Variants in OSBPL10 observed in about 807,000 individuals in gnomAD.
The protein encoded by OSBPL10 is oxysterol-binding protein-related protein 10.
In OSBPL10, 49 loss-of-function variants were observed where a neutral mutation model predicts 81.7. The ratio of observed to expected loss-of-function variants is 0.60; its 90% CI spans 0.48 to 0.76. The LOEUF (loss-of-function observed/expected upper bound fraction) is 0.76, where lower values mean the gene tolerates loss of function less well. Ranked by LOEUF, OSBPL10 falls within the 30% of genes least tolerant of loss-of-function variation. The pLI is 0.00. For synonymous variants in OSBPL10, 419 were observed against 383.6 expected, an observed-to-expected ratio of 1.09 and a Z score of -1.08; for missense variants, 923 against 987.8, an observed-to-expected ratio of 0.93 and a Z score of 0.88.
At chr3:31,717,404 AC>A (rs1220293609) in intron 6 of OSBPL10, among the ~76,000 whole-genome samples, 2 of 152,206 alleles carry the variant, frequency 1.3e-5, no homozygotes, top group Non-Finnish European at 2.9e-5. Flanking sequence ...TTTCTTAAAG[AC>A]AACTCTGGTA....
At position 31,857,302 on chromosome 3, in the gene OSBPL10, A is replaced by G. The variant is rs564288468; in HGVS notation, c.537+19131T>C. 6.8e-4 allele frequency among the ~76,000 whole-genome samples: 104 copies of G among 152,318 alleles called. 1 individual carries two copies. The Middle Eastern group carries it at 0.01, about 15-fold the overall frequency. On this transcript the variant is annotated intron_variant, in intron 3 of 11. Coordinates refer to ENST00000396556, the MANE Select transcript of OSBPL10 (RefSeq NM_017784.5). ...GTAGCAGCTCCCCTCAAAGAGCATT[A>G]AACTTTAAACACTTCAAATTATTTC...
chr3:31,696,349 G>A (rs551540099), intron 7 of OSBPL10, among the ~76,000 whole-genome samples: 2 of 152,256 alleles, frequency 1.3e-5, no homozygotes, highest in African/African-American at 4.8e-5. Context: ...CTTAATTTCA[G>A]ATACTCCTAC....
intron 4 of OSBPL10, among the ~76,000 whole-genome samples, 156 bp downstream of exon 4, chr3:31,829,884 A>T (rs540234861): frequency 1.3e-5 from 2 of 152,242 alleles, no homozygotes; most frequent in South Asian, 4.2e-4. Context: ...CTTTTTTTAA[A>T]CCAGGAAGGA....
At chr3:31,785,795 C>T (rs1021728395) in intron 4 of OSBPL10, among the ~76,000 whole-genome samples, 1 of 152,048 alleles carries the variant, frequency 6.6e-6, no homozygotes, top group Admixed American at 6.6e-5. Flanking sequence ...GACAATAATC[C>T]CAAACTAAAG....
chr3:31,712,265 A>G (rs1408054700), intron 6 of OSBPL10, among the ~76,000 whole-genome samples: 1 of 152,210 alleles, frequency 6.6e-6, no homozygotes, highest in Non-Finnish European at 1.5e-5. Context: ...TTGTGCACCC[A>G]GTGGCCTATT....
At chr3:31,698,103 C>T (rs1389448860) in intron 7 of OSBPL10, among the ~76,000 whole-genome samples, 1 of 152,020 alleles carries the variant, frequency 6.6e-6, no homozygotes, top group Non-Finnish European at 1.5e-5. Context: ...CTGTTCACAC[C>T]CTAGTCACCC....
chr3:31,802,764 C>A (rs536697568), intron 4 of OSBPL10, among the ~76,000 whole-genome samples: 1 of 152,092 alleles, frequency 6.6e-6, no homozygotes, highest in African/African-American at 2.4e-5. Context: ...AAAGTGAAAT[C>A]CATTAAAAAC....
intron 3 of OSBPL10, among the ~76,000 whole-genome samples, chr3:31,833,486 G>A (rs1052861726): frequency 6.6e-6 from 1 of 152,096 alleles, no homozygotes; most frequent in African/African-American, 2.4e-5. Context: ...CATGGACAAA[G>A]TTTGTTTCTT....
chr3:31,757,997 A>G (rs1341508752), intron 4 of OSBPL10, among the ~76,000 whole-genome samples: 1 of 152,210 alleles, frequency 6.6e-6, no homozygotes, highest in Non-Finnish European at 1.5e-5. Flanking sequence ...CATTCTCTGA[A>G]CCAGGAAGAT....
chr3:31,818,691 C>T (rs767253513), intron 4 of OSBPL10, among the ~76,000 whole-genome samples: 7 of 152,218 alleles, frequency 4.6e-5, no homozygotes, highest in Admixed American at 4.6e-4. Context: ...CCCACTCCTA[C>T]TCCAAAAGGG....
At chr3:31,877,418 A>G (rs1259314713) in intron 2 of OSBPL10, among the ~76,000 whole-genome samples, 2 of 152,202 alleles carry the variant, frequency 1.3e-5, no homozygotes, top group Admixed American at 6.5e-5. Flanking sequence ...TTGTATAGTT[A>G]TGTCCTTCCA....
At chr3:31,798,777 G>T (rs920883569) in intron 4 of OSBPL10, among the ~76,000 whole-genome samples, 6 of 152,104 alleles carry the variant, frequency 3.9e-5, no homozygotes, top group African/African-American at 1.4e-4. Flanking sequence ...TGGAAAACAG[G>T]CTTCTTCAAG....
chr3:31,970,288 T>C (rs1365429649), intron 1 of OSBPL10, among the ~76,000 whole-genome samples: 1 of 152,192 alleles, frequency 6.6e-6, no homozygotes, highest in Non-Finnish European at 1.5e-5. Context: ...GAGGTGGCTT[T>C]GATCCACAAA....
intron 3 of OSBPL10, among the ~76,000 whole-genome samples, chr3:31,834,216 C>T (rs1242792433): frequency 2.0e-5 from 3 of 152,160 alleles, no homozygotes; most frequent in Non-Finnish European, 2.9e-5. Context: ...AGCCTATCTT[C>T]GCTATTAATT....
intron 4 of OSBPL10, among the ~76,000 whole-genome samples, chr3:31,760,851 C>T (rs1195523015): frequency 2.6e-5 from 4 of 152,130 alleles, no homozygotes; most frequent in African/African-American, 9.7e-5. Context: ...CCGAACATTA[C>T]GATGATGTTT....
intron 3 of OSBPL10, among the ~76,000 whole-genome samples, chr3:31,837,428 G>GA (rs577512066): frequency 6.6e-4 from 82 of 124,970 alleles, no homozygotes; most frequent in African/African-American, 2.3e-3. Flanking sequence ...TTTTAATAGA[G>GA]AAAAAATCTG....
intron 3 of OSBPL10, among the ~76,000 whole-genome samples, chr3:31,872,034 G>T (rs1447730668): frequency 1.3e-5 from 2 of 152,148 alleles, no homozygotes; most frequent in Non-Finnish European, 2.9e-5. Flanking sequence ...ATGCACTAAA[G>T]GCCGAATGTT....
chr3:31,760,984 T>A (rs1023742767), intron 4 of OSBPL10, among the ~76,000 whole-genome samples: 13 of 152,144 alleles, frequency 8.5e-5, no homozygotes, highest in Non-Finnish European at 1.8e-4. Flanking sequence ...TTTTTTTTTT[T>A]ATAAATACTG....
intron 2 of OSBPL10, among the ~76,000 whole-genome samples, chr3:32,026,019 G>GATAGATAGATAGATAA (rs1699403237): frequency 2.6e-5 from 3 of 117,372 alleles, no homozygotes; most frequent in African/African-American, 1.0e-4. Context: ...GACATAGATA[G>GATAGATAGATAGATAA]ATAGATAGAT....
Sources: gnomAD v4.1 joint callset for allele counts (sites outside exome capture counted in the v4.1 genomes callset) on GRCh38, gnomAD v4.1.1 for gene constraint, MANE v1.5 for transcripts, NCBI Gene and HGNC (gene_info 2026-07-23, HGNC 2026-07-21) for gene names.